MYH10: variants seen among roughly 807,000 people sequenced by gnomAD.
MYH10 encodes myosin-10.
Under a neutral mutation model 257.8 loss-of-function variants are expected in MYH10, and 55 were observed. The ratio of observed to expected loss-of-function variants is 0.21; its 90% CI spans 0.17 to 0.27. MYH10 has a LOEUF of 0.27. MYH10 is among the 10% of genes least tolerant of loss of function. MYH10 has a pLI of 1.00. For missense variants in MYH10, 1,631 were observed against 2,500.6 expected (o/e 0.65, Z 7.42); for synonymous variants, 854 against 921.7 (o/e 0.93, Z 1.33).
chr17:8,604,996 A>T lies in MYH10; in HGVS notation c.346-14T>A. 1 of 1,373,320 alleles carries T rather than the reference A, an allele frequency of 7.3e-7. No individual in the cohort carries two copies. Among genetic ancestry groups the T allele is most frequent in the Non-Finnish European group, 9.8e-7 (1 of 1,017,242 alleles). The allele number at this position is 1,373,320 out of a possible 1,614,324, so 85.1% of individuals were successfully genotyped here. A position where few individuals can be genotyped will look rare whatever the true frequency, so the allele number is the denominator to read the frequency against. On this transcript the variant is annotated splice_polypyrimidine_tract_variant and intron_variant, in intron 2 of 42. Transcript: ENST00000360416. The stretch of plus-strand genomic sequence containing the variant: ...TCCAGAATAAGTCTAGAATAAAAAT[A>T]AAATAGAGTATTAAAAAAAAAACCT...
rs542407044 is a variant in MYH10 at position 8,480,846 on chromosome 17, C to A, written c.5265-321G>T. Among the ~76,000 whole-genome samples, 71 of 152,234 alleles carry A rather than the reference C, an allele frequency of 4.7e-4. 1 individual carries two copies. The highest frequency in any genetic ancestry group is 1.6e-3 in the African/African-American group (67 of 41,550). On this transcript the variant is annotated intron_variant, in intron 38 of 42. Transcript: ENST00000360416. ...AGTCGCTTTCAAAACGCAAGCACGACCCCAGCCTCCCCACCGCTGAAACTC... is the reference window on the plus strand; with the variant it reads ...AGTCGCTTTCAAAACGCAAGCACGAACCCAGCCTCCCCACCGCTGAAACTC...
chr17:8,626,578 A>AAATAAGAAT (rs1555621794), intron 1 of MYH10, among the ~76,000 whole-genome samples: 1 of 140,190 alleles, frequency 7.1e-6, no homozygotes, highest in African/African-American at 2.7e-5. Flanking sequence ...AAATAATAAT[A>AAATAAGAAT]AATAATAATA....
Position 8,477,140 on chromosome 17 carries a change from C to G in MYH10, c.5707-92G>C. 1 of 1,461,802 alleles carries G rather than the reference C, an allele frequency of 6.8e-7. No individual in the cohort carries two copies. The highest frequency in any genetic ancestry group is 9.4e-7 in the Non-Finnish European group (1 of 1,065,034). 90.6% of individuals were successfully genotyped at this position (1,461,802 alleles called of 1,614,324 possible). On this transcript the variant is annotated intron_variant, in intron 41 of 42. Coordinates refer to ENST00000360416, the MANE Select transcript of MYH10 (RefSeq NM_001256012.3). The surrounding 1 kb of genome is among the most constrained non-coding windows in gnomAD (Gnocchi z 4.2). ...CGAGCGTGGCAGTGTGGGGCTCTGC[C>G]TGTTACCCTTGTGAGCACGCGTGTA...
At chr17:8,560,307 T>C (rs1371924173) in intron 7 of MYH10, among the ~76,000 whole-genome samples, 1 of 152,240 alleles carries the variant, frequency 6.6e-6, no homozygotes, top group African/African-American at 2.4e-5. Context: ...CTTTGAATTC[T>C]AGCAACTGTA....
chr17:8,493,300 C>T (rs757212519), intron 32 of MYH10, among the ~76,000 whole-genome samples: 6 of 150,850 alleles, frequency 4.0e-5, no homozygotes, highest in Admixed American at 3.3e-4. Context: ...GCTGAGATCA[C>T]GCCACTGCAC....
chr17:8,622,947 G>A lies in MYH10; in HGVS notation c.300C>T (p.Ser100=), dbSNP rs775686660. Residue 100 remains serine, a synonymous_variant, in exon 2 of 43, where the codon TCC becomes TCT. Transcript: ENST00000360416. ...MAELTCLNEA[S]VLHNLKDRYY... is the part of the protein sequence containing the mutation. ...AGCGATCCTTCAGATTATGTAAAAC[G>A]GAAGCTTCATTCAAGCATGTCAATT... 65 of 1,613,916 alleles carry A rather than the reference G, an allele frequency of 4.0e-5. 1 individual carries two copies. The South Asian group carries it at 6.0e-4, about 15-fold the overall frequency.
At chr17:8,514,338 CAAGGT>C (rs1312792329) in intron 21 of MYH10, among the ~76,000 whole-genome samples, 1 of 152,176 alleles carries the variant, frequency 6.6e-6, no homozygotes, top group Non-Finnish European at 1.5e-5. Flanking sequence ...CCCCAACCCC[CAAGGT>C]AATTTTTCTC....
chr17:8,555,142 A>G (rs1363672441), intron 7 of MYH10, among the ~76,000 whole-genome samples: 1 of 152,090 alleles, frequency 6.6e-6, no homozygotes, highest in Non-Finnish European at 1.5e-5. Flanking sequence ...AAAATTAAAC[A>G]TGTTAAACAT....
intron 35 of MYH10, among the ~76,000 whole-genome samples, chr17:8,488,770 G>A (rs994581517): frequency 2.0e-5 from 3 of 152,122 alleles, no homozygotes; most frequent in African/African-American, 7.2e-5. Context: ...AGCTGCTTCC[G>A]CATAGGGCAG....
chr17:8,557,554 G>T (rs371000892), intron 7 of MYH10, among the ~76,000 whole-genome samples: 2 of 152,096 alleles, frequency 1.3e-5, no homozygotes, highest in African/African-American at 4.8e-5. Context: ...CTGACAGCAC[G>T]GCTTTGCACT....
At chr17:8,561,256 T>C in intron 7 of MYH10, 1 of 947,048 alleles carries the variant, frequency 1.1e-6, no homozygotes. Context: ...GGAACAAAGG[T>C]CGTGCTGAAA....
At chr17:8,548,876 G>GTTT in intron 9 of MYH10, 89 bp from the exon 10 acceptor site, 1 of 1,121,232 alleles carries the variant, frequency 8.9e-7, no homozygotes, top group Non-Finnish European at 1.3e-6. Context: ...CAGTGTCACA[G>GTTT]GAGAGCAGTG....
At chr17:8,565,022 T>C (rs1281097586) in intron 7 of MYH10, among the ~76,000 whole-genome samples, 1 of 152,186 alleles carries the variant, frequency 6.6e-6, no homozygotes, top group Non-Finnish European at 1.5e-5. Flanking sequence ...GGCTGATTCC[T>C]AGGTATTTTG....
At chr17:8,628,268 C>T (rs532747652) in intron 1 of MYH10, among the ~76,000 whole-genome samples, 89 of 152,268 alleles carry the variant, frequency 5.8e-4, no homozygotes, top group Admixed American at 1.4e-3. Flanking sequence ...AATCATTTAT[C>T]TGTGTATGAA....
At chr17:8,488,844 T>C (rs1425073945) in intron 35 of MYH10, among the ~76,000 whole-genome samples, 3 of 152,266 alleles carry the variant, frequency 2.0e-5, no homozygotes, top group East Asian at 3.9e-4. Flanking sequence ...AGGCACAGGA[T>C]AGCAGAAGGC....
At position 8,476,918 on chromosome 17, in the gene MYH10, T is replaced by C. The variant is rs1912747195; in HGVS notation, c.5837A>G (p.Glu1946Gly). 1 of 1,612,776 alleles carries C rather than the reference T, an allele frequency of 6.2e-7. No homozygotes were observed. Among genetic ancestry groups the C allele is most frequent in the Admixed American group, 1.7e-5 (1 of 59,996 alleles). ...RELDDATEAN[E>G]GLSREVSTLK... ...GGTGCTGACCTCGCGGCTCAGGCCC[T>C]CGTTGGCCTCGGTGGCATCATCCAG... Residue 1946 changes from glutamate (E) to glycine (G), a missense_variant, in exon 42 of 43, where the codon GAG (glutamate) becomes GGG (glycine). Physicochemically the swap from Glu to Gly is moderately conservative, Grantham distance 98. This residue lies in a region of MYH10 where 343 missense variants were observed against 389.5 expected (regional missense o/e 0.88). Transcript: ENST00000360416.
chr17:8,562,415 A>G (rs1296585751), intron 7 of MYH10, among the ~76,000 whole-genome samples: 1 of 152,246 alleles, frequency 6.6e-6, no homozygotes, highest in Admixed American at 6.5e-5. Context: ...TCACATCTAT[A>G]ATAAATACTT....
intron 6 of MYH10, among the ~76,000 whole-genome samples, chr17:8,572,240 G>T (rs9797195): frequency 0.91 from 133,107 of 145,828 alleles, 60,835 homozygotes; most frequent in East Asian, 0.98. Context: ...GTGTGTGTGT[G>T]TGTGTGTGTG....
intron 36 of MYH10, among the ~76,000 whole-genome samples, chr17:8,484,657 AG>A (rs1914461199): frequency 6.6e-6 from 1 of 152,234 alleles, no homozygotes; most frequent in African/African-American, 2.4e-5. Context: ...GATCTATCTG[AG>A]GAATGCAAGG....
Sources: allele counts gnomAD v4.1 joint callset (sites outside exome capture counted in the v4.1 genomes callset), GRCh38; gene constraint gnomAD v4.1.1; regional missense constraint gnomAD v4.1.1; non-coding constraint Gnocchi (gnomAD v3.1); transcripts MANE v1.5; gene names NCBI Gene and HGNC (gene_info 2026-07-23, HGNC 2026-07-21).